FERRY3: variants seen among roughly 807,000 people sequenced by gnomAD.
The protein encoded by FERRY3 is FERRY endosomal RAB5 effector complex subunit 3, also known as protein C12orf4.
the FERRY3 span, among the ~76,000 whole-genome samples, chr12:4,527,051 T>C: frequency 2.0e-5 from 3 of 152,170 alleles, no homozygotes; most frequent in African/African-American, 7.2e-5. Context: ...ATGAAAATTA[T>C]GCTTGCAAGT....
chr12:4,519,472 A>T, the FERRY3 span, among the ~76,000 whole-genome samples: 1 of 152,222 alleles, frequency 6.6e-6, no homozygotes, highest in East Asian at 1.9e-4. This position sits in a 1 kb window ranked among gnomAD's most constrained non-coding sequence, Gnocchi z 4.3. Context: ...AAAGAGCAAT[A>T]ACCGTATCAC....
At chr12:4,514,812 G>A in the FERRY3 span, among the ~76,000 whole-genome samples, 4 of 151,772 alleles carry the variant, frequency 2.6e-5, no homozygotes, top group East Asian at 1.9e-4. Context: ...TGGGTGCAGC[G>A]TGCCAGCATG....
At chr12:4,528,916 C>CAT in the FERRY3 span, among the ~76,000 whole-genome samples, 70 of 149,678 alleles carry the variant, frequency 4.7e-4, 1 homozygote, top group African/African-American at 1.6e-3. Context: ...CACACACACA[C>CAT]ACACACACAC....
At chr12:4,505,048 T>C in the FERRY3 span, among the ~76,000 whole-genome samples, 1 of 152,184 alleles carries the variant, frequency 6.6e-6, no homozygotes, top group Non-Finnish European at 1.5e-5. Context: ...GAGGTTGCAG[T>C]GAACTGAGAT....
the FERRY3 span, among the ~76,000 whole-genome samples, chr12:4,520,246 T>C: frequency 3.9e-5 from 6 of 152,228 alleles, no homozygotes; most frequent in South Asian, 8.3e-4. Context: ...CAGAAAACAC[T>C]GAGGGCAGGA....
the FERRY3 span, among the ~76,000 whole-genome samples, chr12:4,515,308 G>A: frequency 2.6e-5 from 4 of 152,160 alleles, no homozygotes; most frequent in African/African-American, 7.2e-5. Flanking sequence ...ACTATCTTAT[G>A]ATCCGGCAAC....
At chr12:4,534,383 TG>T in the FERRY3 span, 1 of 1,415,072 alleles carries the variant, frequency 7.1e-7, no homozygotes, top group Non-Finnish European at 9.4e-7. Context: ...AGAATTCCAA[TG>T]TGAAATCTTA....
At chr12:4,528,898 C>CTT in the FERRY3 span, among the ~76,000 whole-genome samples, 2 of 47,972 alleles carry the variant, frequency 4.2e-5, no homozygotes, top group Non-Finnish European at 1.5e-4. Context: ...AAATCAGTTA[C>CTT]ACACACACAC....
chr12:4,510,121 G>A, the FERRY3 span, among the ~76,000 whole-genome samples: 22 of 140,166 alleles, frequency 1.6e-4, no homozygotes, highest in Middle Eastern at 3.5e-3. Flanking sequence ...GAGCCGATGC[G>A]ATCAACTGGA....
the FERRY3 span, among the ~76,000 whole-genome samples, chr12:4,522,989 G>A: frequency 6.6e-6 from 1 of 152,088 alleles, no homozygotes; most frequent in African/African-American, 2.4e-5. Context: ...ACCAAAAAGG[G>A]AAATTCTGTA....
the FERRY3 span, among the ~76,000 whole-genome samples, chr12:4,537,630 T>C: frequency 3.9e-5 from 6 of 152,190 alleles, no homozygotes; most frequent in African/African-American, 1.4e-4. Context: ...CTAAGTTGAA[T>C]TATCCAGACT....
the FERRY3 span, chr12:4,517,201 A>G: frequency 1.3e-6 from 2 of 1,524,812 alleles, no homozygotes; most frequent in Non-Finnish European, 1.8e-6. Flanking sequence ...TAAGGGACCC[A>G]AAACATTTAC....
chr12:4,508,428 C>T, the FERRY3 span, among the ~76,000 whole-genome samples: 1 of 152,086 alleles, frequency 6.6e-6, no homozygotes, highest in Non-Finnish European at 1.5e-5. Context: ...TCCTGGGCAC[C>T]AATATCAGGT....
At chr12:4,511,248 G>GATTCATAAAGCA in the FERRY3 span, among the ~76,000 whole-genome samples, 4 of 151,388 alleles carry the variant, frequency 2.6e-5, no homozygotes, top group African/African-American at 9.7e-5. Context: ...AGCAAGTCCT[G>GATTCATAAAGCA]AGTGACCTAC....
the FERRY3 span, among the ~76,000 whole-genome samples, chr12:4,520,598 A>T: frequency 6.6e-6 from 1 of 152,184 alleles, no homozygotes; most frequent in South Asian, 2.1e-4. Context: ...CCGGTGGTAC[A>T]TTGAAGGTAC....
At chr12:4,505,278 G>T in the FERRY3 span, 8 of 1,397,128 alleles carry the variant, frequency 5.7e-6, no homozygotes, top group Non-Finnish European at 7.0e-6. Context: ...TAAGAAAACA[G>T]TAATTTAAAA....
chr12:4,506,298 A>G, the FERRY3 span, among the ~76,000 whole-genome samples: 1 of 152,140 alleles, frequency 6.6e-6, no homozygotes, highest in Admixed American at 6.5e-5. Flanking sequence ...ATGAAAACAG[A>G]CCTTCAAACA....
the FERRY3 span, among the ~76,000 whole-genome samples, chr12:4,497,883 TAGA>T: frequency 6.6e-6 from 1 of 152,192 alleles, no homozygotes; most frequent in African/African-American, 2.4e-5. Context: ...ACAATTCTGT[TAGA>T]AGAGGAAAAT....
the FERRY3 span, among the ~76,000 whole-genome samples, chr12:4,497,860 A>C: frequency 6.6e-6 from 1 of 152,204 alleles, no homozygotes; most frequent in Non-Finnish European, 1.5e-5. Context: ...AAAACATGGT[A>C]ACTGAGTGTC....
Sources: gnomAD v4.1 joint callset for allele counts (sites outside exome capture counted in the v4.1 genomes callset) on GRCh38, gnomAD v4.1.1 for gene constraint, Gnocchi (gnomAD v3.1) non-coding constraint, MANE v1.5 for transcripts, NCBI Gene and HGNC (gene_info 2026-07-23, HGNC 2026-07-21) for gene names.